NRG3: variants seen among roughly 807,000 people sequenced by gnomAD.
NRG3 encodes the protein pro-neuregulin-3, membrane-bound isoform.
NRG3 carries 31 observed loss-of-function variants against 66.9 expected under a neutral mutation model. That is an observed-to-expected ratio of 0.46 (90% CI 0.35 to 0.63). The LOEUF is 0.63. NRG3 is among the 20% of genes least tolerant of loss of function. NRG3 has a pLI of 0.00. For synonymous variants in NRG3, 393 were observed against 359.4 expected, an observed-to-expected ratio of 1.09 and a Z score of -1.06; for missense variants, 910 against 878.9, an observed-to-expected ratio of 1.04 and a Z score of -0.45.
intron 2 of NRG3, among the ~76,000 whole-genome samples, chr10:82,462,742 A>G (rs1055525389): frequency 6.6e-6 from 1 of 152,206 alleles, no homozygotes; most frequent in Non-Finnish European, 1.5e-5. Flanking sequence ...TCTCAGAGAC[A>G]GGTGCTGTAA....
At chr10:82,926,749 T>C (rs1024538297) in intron 4 of NRG3, among the ~76,000 whole-genome samples, 2 of 152,216 alleles carry the variant, frequency 1.3e-5, no homozygotes, top group Admixed American at 1.3e-4. Flanking sequence ...GTTTCTAACT[T>C]TGAGGCCTGG....
At chr10:82,746,345 T>C (rs1257360996) in intron 3 of NRG3, among the ~76,000 whole-genome samples, 1 of 152,154 alleles carries the variant, frequency 6.6e-6, no homozygotes, top group Non-Finnish European at 1.5e-5. Flanking sequence ...TGGGGGCCAC[T>C]CTACCCACTC....
At chr10:82,343,059 T>A (rs2082767361) in intron 1 of NRG3, among the ~76,000 whole-genome samples, 1 of 152,064 alleles carries the variant, frequency 6.6e-6, no homozygotes, top group Non-Finnish European at 1.5e-5. Context: ...GTTGACTTAG[T>A]CAAAGGTCAG....
intron 1 of NRG3, among the ~76,000 whole-genome samples, chr10:82,077,112 A>T (rs2065132845): frequency 6.6e-6 from 1 of 152,222 alleles, no homozygotes; most frequent in African/African-American, 2.4e-5. Flanking sequence ...AGAAATTTCC[A>T]TTTAATAAGT....
At chr10:82,058,892 C>A (rs915415665) in intron 1 of NRG3, among the ~76,000 whole-genome samples, 1 of 152,040 alleles carries the variant, frequency 6.6e-6, no homozygotes, top group Non-Finnish European at 1.5e-5. Context: ...GTGCGTCTGA[C>A]CTGGACAATA....
At chr10:82,091,968 G>T (rs1005444140) in intron 1 of NRG3, among the ~76,000 whole-genome samples, 1 of 152,236 alleles carries the variant, frequency 6.6e-6, no homozygotes, top group South Asian at 2.1e-4. Flanking sequence ...GTGTGAAAGG[G>T]TATACAGTTT....
At chr10:82,795,137 T>C (rs2060746400) in intron 3 of NRG3, among the ~76,000 whole-genome samples, 1 of 152,236 alleles carries the variant, frequency 6.6e-6, no homozygotes. Flanking sequence ...TTCAAATAAA[T>C]GATTGATGGT....
At chr10:81,962,358 G>T (rs1430871613) in intron 1 of NRG3, among the ~76,000 whole-genome samples, 1 of 152,104 alleles carries the variant, frequency 6.6e-6, no homozygotes, top group Non-Finnish European at 1.5e-5. Context: ...TACCACCATT[G>T]CATGAAATCT....
At chr10:82,593,487 A>G (rs1398829247) in intron 2 of NRG3, among the ~76,000 whole-genome samples, 1 of 152,190 alleles carries the variant, frequency 6.6e-6, no homozygotes, top group Non-Finnish European at 1.5e-5. Context: ...GCTAGGAGTC[A>G]GAATTGGGTT....
chr10:82,368,602 G>A lies in NRG3; in HGVS notation c.953+9734G>A, dbSNP rs1163100735. ...ATGTGTCCCCGAACTGCCTCACCAG[G>A]CACCTGCTTCCTGCCTGAGAGTTTC... On this transcript the variant is annotated intron_variant, in intron 2 of 8. Coordinates refer to ENST00000372141, the MANE Select transcript of NRG3 (RefSeq NM_001010848.4). 2.9e-5 allele frequency among the ~76,000 whole-genome samples: 4 copies of A among 137,770 alleles called. 2 individuals carry two copies. The highest frequency in any genetic ancestry group is 1.4e-4 in the African/African-American group (4 of 29,468). The allele number at this position is 137,770 out of a possible 152,430, so 90.4% of individuals were successfully genotyped here. A position where few individuals can be genotyped will look rare whatever the true frequency, so the allele number is the denominator to read the frequency against.
intron 2 of NRG3, among the ~76,000 whole-genome samples, chr10:82,431,123 C>T (rs544251623): frequency 6.6e-6 from 1 of 152,086 alleles, no homozygotes; most frequent in South Asian, 2.1e-4. Context: ...CTATGAAAAA[C>T]AATTGCCTCC....
At chr10:82,056,305 A>G (rs989097071) in intron 1 of NRG3, among the ~76,000 whole-genome samples, 7 of 152,108 alleles carry the variant, frequency 4.6e-5, no homozygotes, top group Non-Finnish European at 8.8e-5. Context: ...TGAATATGGT[A>G]GTAAAATGGT....
At chr10:82,339,365 C>T (rs2082559364) in intron 1 of NRG3, among the ~76,000 whole-genome samples, 1 of 152,102 alleles carries the variant, frequency 6.6e-6, no homozygotes, top group Non-Finnish European at 1.5e-5. Context: ...GGGGAGTCCT[C>T]AGGAAACTTA....
chr10:82,822,399 A>G (rs1395860583), intron 3 of NRG3, among the ~76,000 whole-genome samples: 2 of 152,100 alleles, frequency 1.3e-5, no homozygotes, highest in East Asian at 3.9e-4. Context: ...GGAGAGAGGC[A>G]CTAGCCAGTG....
chr10:82,396,134 A>G (rs893965006), intron 2 of NRG3, among the ~76,000 whole-genome samples: 4 of 152,154 alleles, frequency 2.6e-5, no homozygotes, highest in Non-Finnish European at 5.9e-5. Context: ...TGAGTTTCCA[A>G]TATCTTATCC....
In NRG3 at chr10:82,573,010, C is replaced by A. The variant is rs117548950; in HGVS notation, c.954-165567C>A. Among the ~76,000 whole-genome samples, 4 of 151,794 alleles carry A rather than the reference C, an allele frequency of 2.6e-5. No individual in the cohort carries two copies. The East Asian group carries it at 7.8e-4, about 29-fold the overall frequency. On this transcript the variant is annotated intron_variant, in intron 2 of 8. Coordinates refer to ENST00000372141, the MANE Select transcript of NRG3 (RefSeq NM_001010848.4). ...TCATCAGACAAGCAGCTGCCATTCA[C>A]GAATGCATTAAAGAATATGGCATAG...
intron 3 of NRG3, among the ~76,000 whole-genome samples, chr10:82,748,624 T>C (rs547603813): frequency 6.7e-6 from 1 of 149,080 alleles, no homozygotes; most frequent in East Asian, 1.9e-4. Flanking sequence ...TTAATTATTA[T>C]TTTAAATTTA....
intron 4 of NRG3, among the ~76,000 whole-genome samples, chr10:82,910,888 C>T (rs886273014): frequency 5.3e-5 from 8 of 152,198 alleles, no homozygotes; most frequent in African/African-American, 1.9e-4. Context: ...ACACTTGGAA[C>T]ATAGTAACTG....
intron 1 of NRG3, among the ~76,000 whole-genome samples, chr10:82,291,304 C>T (rs189031959): frequency 6.6e-6 from 1 of 152,160 alleles, no homozygotes; most frequent in Admixed American, 6.6e-5. Context: ...ATAATCTGTA[C>T]ATACTGAAAA....
Sources: allele counts gnomAD v4.1 joint callset (sites outside exome capture counted in the v4.1 genomes callset), GRCh38; gene constraint gnomAD v4.1.1; transcripts MANE v1.5; gene names NCBI Gene and HGNC (gene_info 2026-07-23, HGNC 2026-07-21).